Variants in DLC1 observed in about 807,000 individuals in gnomAD.
The protein encoded by DLC1 is rho GTPase-activating protein 7.
A neutral mutation model predicts 140.3 loss-of-function variants in DLC1; 54 were observed. That is an observed-to-expected ratio of 0.38 (90% CI 0.31 to 0.48). The LOEUF is 0.48. Among genes scored for constraint, DLC1 ranks in the 20% least tolerant of loss-of-function variants. The pLI, the probability that DLC1 is intolerant of heterozygous loss-of-function variation, is 0.96. For synonymous variants in DLC1, 986 were observed against 728.1 expected, an observed-to-expected ratio of 1.35 and a Z score of -5.70; for missense variants, 2,536 against 1,907.0, an observed-to-expected ratio of 1.33 and a Z score of -6.14.
intron 2 of DLC1, among the ~76,000 whole-genome samples, chr8:13,414,056 C>T (rs752289330): frequency 3.4e-4 from 51 of 152,200 alleles, no homozygotes; most frequent in Non-Finnish European, 6.5e-4. Context: ...AAAAAAATTA[C>T]AGTCTGTAAA....
chr8:13,204,703 AAACAT>A (rs1394369034), intron 5 of DLC1, among the ~76,000 whole-genome samples: 1 of 152,200 alleles, frequency 6.6e-6, no homozygotes, highest in African/African-American at 2.4e-5. Flanking sequence ...AATGATCTGA[AAACAT>A]AACATCTTTT....
chr8:13,519,544 T>G (rs543491645), upstream of DLC1, among the ~76,000 whole-genome samples: 1 of 152,304 alleles, frequency 6.6e-6, no homozygotes, highest in African/African-American at 2.4e-5. Flanking sequence ...TTTGATCAAT[T>G]TTGTCACAAT....
intron 4 of DLC1, among the ~76,000 whole-genome samples, chr8:13,379,950 A>C (rs1836176436): frequency 6.6e-6 from 1 of 152,290 alleles, no homozygotes; most frequent in Middle Eastern, 3.4e-3. Flanking sequence ...AACAATGAGA[A>C]CACATAGACA....
intron 3 of DLC1, among the ~76,000 whole-genome samples, chr8:13,398,861 G>C (rs989079023): frequency 6.6e-6 from 1 of 152,126 alleles, no homozygotes; most frequent in Non-Finnish European, 1.5e-5. Flanking sequence ...AAGCAAAGAG[G>C]CACCTATAGC....
At chr8:13,184,443 G>T (rs113459944) in intron 5 of DLC1, among the ~76,000 whole-genome samples, 21,147 of 152,118 alleles carry the variant, frequency 0.14, 1,549 homozygotes, top group South Asian at 0.18. Flanking sequence ...TTTAGTGCTA[G>T]AAATTTCCCT....
chr8:13,526,342 T>C (rs1802920506), intron 1 of DLC1, among the ~76,000 whole-genome samples: 1 of 152,200 alleles, frequency 6.6e-6, no homozygotes, highest in Admixed American at 6.5e-5. Context: ...TGTCCATTTC[T>C]GTAAAAAAGA....
At chr8:13,493,326 T>C (rs1212448756) in intron 2 of DLC1, among the ~76,000 whole-genome samples, 5 of 152,222 alleles carry the variant, frequency 3.3e-5, no homozygotes, top group Non-Finnish European at 1.5e-5. Flanking sequence ...TTGCTTTCAT[T>C]CCACATATCT....
chr8:13,100,208 T>C lies in DLC1; in HGVS notation c.2129A>G (p.Gln710Arg). The change falls in exon 9 of 18, where the codon CAG becomes CGG. Residue 710 changes from glutamine to arginine, a missense_variant. Gln to Arg is a conservative substitution (Grantham distance 43). Transcript: ENST00000276297. ...QEGMDEEKLK[Q>R]LNCVEISALN... ...GGCGGAGATCTCCACGCAGTTGAGCTGCTTCAGCTTCTCCTCATCCATCCC... is the reference window on the plus strand; with the variant it reads ...GGCGGAGATCTCCACGCAGTTGAGCCGCTTCAGCTTCTCCTCATCCATCCC... The C allele has an allele frequency of 1.2e-6, 2 of 1,614,192 alleles. No homozygotes were observed. Among genetic ancestry groups the C allele is most frequent in the Non-Finnish European group, 1.7e-6 (2 of 1,180,038 alleles).
At chr8:13,235,038 C>A (rs368911899) in intron 5 of DLC1, among the ~76,000 whole-genome samples, 10 of 152,004 alleles carry the variant, frequency 6.6e-5, no homozygotes, top group Admixed American at 1.3e-4. Context: ...TTCTTTATTA[C>A]AATCAATTTA....
chr8:13,172,356 A>G (rs1275623604), intron 5 of DLC1, among the ~76,000 whole-genome samples: 1 of 152,240 alleles, frequency 6.6e-6, no homozygotes, highest in Non-Finnish European at 1.5e-5. Context: ...AAGGAAGCCA[A>G]CAGGTATTCA....
chr8:13,275,570 C>G (rs1325412756), intron 5 of DLC1, among the ~76,000 whole-genome samples: 2 of 152,116 alleles, frequency 1.3e-5, no homozygotes, highest in Non-Finnish European at 2.9e-5. Flanking sequence ...GCTATTTTAT[C>G]CCAACGCAAA....
chr8:13,315,106 A>C (rs1192597884), intron 4 of DLC1, among the ~76,000 whole-genome samples: 1 of 152,178 alleles, frequency 6.6e-6, no homozygotes, highest in African/African-American at 2.4e-5. Context: ...AGTTTATGAC[A>C]CTGAAGACTA....
At chr8:13,419,604 A>G (rs1035545991) in intron 2 of DLC1, among the ~76,000 whole-genome samples, 13 of 152,216 alleles carry the variant, frequency 8.5e-5, no homozygotes, top group African/African-American at 2.9e-4. Context: ...GTGCTGCTGC[A>G]TTCTGTTTGC....
intron 5 of DLC1, among the ~76,000 whole-genome samples, chr8:13,217,098 T>C (rs1419581748): frequency 6.6e-6 from 1 of 152,186 alleles, no homozygotes; most frequent in Admixed American, 6.5e-5. Context: ...CTGGTTAATT[T>C]TGAGTTGTAC....
At chr8:13,164,479 G>C (rs1187826539) in intron 5 of DLC1, among the ~76,000 whole-genome samples, 1 of 152,064 alleles carries the variant, frequency 6.6e-6, no homozygotes, top group Admixed American at 6.5e-5. Context: ...TGGTAGTTGG[G>C]TCATATGCCT....
intron 1 of DLC1, among the ~76,000 whole-genome samples, chr8:13,601,964 T>G (rs1805901385): frequency 1.3e-5 from 2 of 151,840 alleles, no homozygotes; most frequent in South Asian, 4.1e-4. Flanking sequence ...AATTAAAATA[T>G]ATGGCATTGA....
chr8:13,120,845 C>T (rs574843883), intron 5 of DLC1, among the ~76,000 whole-genome samples: 4 of 152,144 alleles, frequency 2.6e-5, no homozygotes, highest in South Asian at 4.1e-4. Flanking sequence ...CCTGGCATGA[C>T]GGGATGATCC....
intron 6 of DLC1, among the ~76,000 whole-genome samples, chr8:13,112,431 C>T (rs1227088885): frequency 1.3e-5 from 2 of 151,982 alleles, no homozygotes; most frequent in African/African-American, 4.8e-5. Flanking sequence ...CTGAAGGCTA[C>T]AGTTGGATTA....
At chr8:13,511,161 G>A (rs888849332) in intron 1 of DLC1, among the ~76,000 whole-genome samples, 3 of 152,004 alleles carry the variant, frequency 2.0e-5, no homozygotes, top group Non-Finnish European at 1.5e-5. Flanking sequence ...TCCATTAACA[G>A]GGCTGATTTT....
Sources: allele counts gnomAD v4.1 joint callset (sites outside exome capture counted in the v4.1 genomes callset), GRCh38; gene constraint gnomAD v4.1.1; transcripts MANE v1.5; gene names NCBI Gene and HGNC (gene_info 2026-07-23, HGNC 2026-07-21).